CWF19L2: variants seen among roughly 807,000 people sequenced by gnomAD.
CWF19L2 encodes CWF19 like cell cycle control factor 2.
CWF19L2 carries 98 observed loss-of-function variants against 111.7 expected under a neutral mutation model. The ratio of observed to expected loss-of-function variants is 0.88; its 90% CI spans 0.75 to 1.04. CWF19L2 has a LOEUF of 1.04. Ranked by LOEUF, CWF19L2 falls within the 50% of genes least tolerant of loss-of-function variation. The pLI is 0.00. For missense variants in CWF19L2, 1,101 were observed against 1,051.4 expected (o/e 1.05, Z -0.65); for synonymous variants, 351 against 342.9 (o/e 1.02, Z -0.26).
chr11:107,330,644 CCACACACA>C (rs56313409), intron 16 of CWF19L2, among the ~76,000 whole-genome samples: 11,953 of 121,508 alleles, frequency 0.098, 715 homozygotes, highest in East Asian at 0.27. Flanking sequence ...ACCCCCCCCA[CCACACACA>C]CACACACACA....
At chr11:107,348,745 T>C (rs1485163930) in intron 14 of CWF19L2, 192 bp downstream of exon 14, 1 of 331,810 alleles carries the variant, frequency 3.0e-6, no homozygotes, top group African/African-American at 2.1e-5. Flanking sequence ...GGTCTCAAAA[T>C]CTGGAGTACA....
At chr11:107,451,045 T>C (rs969760549) in intron 3 of CWF19L2, among the ~76,000 whole-genome samples, 27 of 152,172 alleles carry the variant, frequency 1.8e-4, no homozygotes, top group African/African-American at 6.3e-4. Context: ...GCAGAATACA[T>C]ACTCATTTCA....
At chr11:107,350,413 G>A (rs967585362) in intron 13 of CWF19L2, among the ~76,000 whole-genome samples, 3 of 152,162 alleles carry the variant, frequency 2.0e-5, no homozygotes, top group Non-Finnish European at 2.9e-5. Context: ...ATTAGATCAT[G>A]AGGACAGAGC....
chr11:107,397,860 C>T (rs896360774), intron 10 of CWF19L2, among the ~76,000 whole-genome samples: 1 of 152,184 alleles, frequency 6.6e-6, no homozygotes, highest in Admixed American at 6.5e-5. Flanking sequence ...TGAAAACCCC[C>T]CGTACCAGCC....
At chr11:107,413,237 G>A (rs1185147257) in intron 10 of CWF19L2, among the ~76,000 whole-genome samples, 2 of 152,152 alleles carry the variant, frequency 1.3e-5, no homozygotes, top group Admixed American at 6.5e-5. Context: ...GGAAGTGTAT[G>A]GGAAATGTGT....
chr11:107,344,902 A>G (rs757937144), intron 14 of CWF19L2, among the ~76,000 whole-genome samples: 3 of 152,188 alleles, frequency 2.0e-5, no homozygotes, highest in Non-Finnish European at 2.9e-5. Flanking sequence ...TGGGGATAGA[A>G]GTTCAGGTTC....
At chr11:107,410,892 T>C (rs1353681775) in intron 10 of CWF19L2, among the ~76,000 whole-genome samples, 2 of 152,052 alleles carry the variant, frequency 1.3e-5, no homozygotes, top group Non-Finnish European at 2.9e-5. Flanking sequence ...CACAGAATAA[T>C]GGAAAAAGCA....
chr11:107,331,642 C>G (rs1167589858), intron 16 of CWF19L2, among the ~76,000 whole-genome samples: 1 of 152,154 alleles, frequency 6.6e-6, no homozygotes, highest in Admixed American at 6.5e-5. Context: ...TTTGTACTTG[C>G]GATCACCAGA....
chr11:107,387,059 A>T (rs559916572), intron 12 of CWF19L2, among the ~76,000 whole-genome samples: 1 of 152,144 alleles, frequency 6.6e-6, no homozygotes, highest in South Asian at 2.1e-4. Flanking sequence ...TCTCAAAAAA[A>T]AAAAAAGGCT....
chr11:107,362,155 C>G (rs925696426), intron 12 of CWF19L2, among the ~76,000 whole-genome samples: 2 of 152,116 alleles, frequency 1.3e-5, no homozygotes, highest in Non-Finnish European at 2.9e-5. Flanking sequence ...ATATCCCGCA[C>G]CTGGCTCGGA....
chr11:107,354,852 G>A (rs1860212465), intron 12 of CWF19L2, among the ~76,000 whole-genome samples: 1 of 151,920 alleles, frequency 6.6e-6, no homozygotes, highest in Non-Finnish European at 1.5e-5. Flanking sequence ...TGTCTTCCTG[G>A]GTCAACCCAT....
rs918887181 is a variant in CWF19L2, at chr11:107,446,659, A to G, written c.340-3610T>C. On this transcript the variant is annotated intron_variant, in intron 3 of 17. Coordinates refer to ENST00000282251, the MANE Select transcript of CWF19L2 (RefSeq NM_152434.3). ...CCCAAAGGTTTAAAAATATATTTTT[A>G]TATTCCCCATGTCTAGAACAGTGTC... Among the ~76,000 whole-genome samples, 4 of 152,196 alleles carry G rather than the reference A, an allele frequency of 2.6e-5. No homozygotes were observed. The South Asian group carries it at 6.2e-4, about 24-fold the overall frequency.
At chr11:107,420,265 A>T (rs1006146339) in intron 8 of CWF19L2, among the ~76,000 whole-genome samples, 3 of 152,182 alleles carry the variant, frequency 2.0e-5, no homozygotes, top group Non-Finnish European at 4.4e-5. Context: ...AAATTCAACT[A>T]CAAGAAATGT....
intron 10 of CWF19L2, among the ~76,000 whole-genome samples, chr11:107,406,152 A>G (rs1405366058): frequency 6.6e-6 from 1 of 152,184 alleles, no homozygotes; most frequent in Admixed American, 6.5e-5. Flanking sequence ...TTTGATTCAA[A>G]GCTACTATTA....
At chr11:107,456,516 T>G (rs1353096346) in intron 1 of CWF19L2, among the ~76,000 whole-genome samples, 2 of 151,830 alleles carry the variant, frequency 1.3e-5, no homozygotes, top group African/African-American at 4.8e-5. Flanking sequence ...ACATTTCACC[T>G]ACCCAAGACT....
chr11:107,417,946 G>T lies in CWF19L2; in HGVS notation c.1527+248C>A, dbSNP rs187891634. The stretch of plus-strand genomic sequence containing the variant: ...AGCTAATTTTTGTATTTTTACTAGA[G>T]ACAGGGTTTCACCATTTTGGCCAGG... On this transcript the variant is annotated intron_variant, in intron 9 of 17. Coordinates refer to ENST00000282251, the MANE Select transcript of CWF19L2 (RefSeq NM_152434.3). Among the ~76,000 whole-genome samples the T allele has an allele frequency of 9.6e-3, 1,461 of 152,162 alleles. 18 individuals are homozygous for T. The highest frequency in any genetic ancestry group is 0.034 in the African/African-American group (1,399 of 41,506).
chr11:107,328,408 CTCTTG>C, intron 17 of CWF19L2, among the ~76,000 whole-genome samples: 1 of 152,134 alleles, frequency 6.6e-6, no homozygotes, highest in Non-Finnish European at 1.5e-5. Context: ...ATAAGCTTGA[CTCTTG>C]TTCTGTTATC....
intron 12 of CWF19L2, among the ~76,000 whole-genome samples, chr11:107,368,965 A>G (rs11600026): frequency 0.34 from 45,527 of 135,858 alleles, 13,293 homozygotes; most frequent in Non-Finnish European, 0.4. Flanking sequence ...ATCAGAGACT[A>G]TGATGATCAA....
intron 1 of CWF19L2, among the ~76,000 whole-genome samples, chr11:107,456,922 A>G (rs1861864051): frequency 6.6e-6 from 1 of 152,180 alleles, no homozygotes; most frequent in Non-Finnish European, 1.5e-5. Context: ...TTCCCTTTAG[A>G]GTCTCCTCTC....
Sources: allele counts gnomAD v4.1 joint callset (sites outside exome capture counted in the v4.1 genomes callset), GRCh38; gene constraint gnomAD v4.1.1; transcripts MANE v1.5; gene names NCBI Gene and HGNC (gene_info 2026-07-23, HGNC 2026-07-21).